DLG2: variants seen among roughly 807,000 people sequenced by gnomAD.
The protein encoded by DLG2 is disks large homolog 2.
In DLG2, 45 loss-of-function variants were observed where a neutral mutation model predicts 132.5. The observed-to-expected ratio is 0.34, with a 90% confidence interval of 0.27 to 0.44. The LOEUF (loss-of-function observed/expected upper bound fraction) is 0.44, where lower values mean the gene tolerates loss of function less well. Ranked by LOEUF, DLG2 falls within the 20% of genes least tolerant of loss-of-function variation. The pLI is 1.00. For missense variants in DLG2, 1,045 were observed against 1,196.9 expected, an observed-to-expected ratio of 0.87 and a Z score of 1.87; for synonymous variants, 424 against 419.6, an observed-to-expected ratio of 1.01 and a Z score of -0.13.
intron 22 of DLG2, among the ~76,000 whole-genome samples, chr11:83,479,586 C>CAGTA (rs1298154488): frequency 7.9e-5 from 12 of 151,882 alleles, no homozygotes; most frequent in Admixed American, 7.9e-4. Context: ...CACCAAAAAC[C>CAGTA]AGTAAGTAAG....
chr11:83,564,131 C>A (rs1342966537), intron 19 of DLG2, among the ~76,000 whole-genome samples: 1 of 149,706 alleles, frequency 6.7e-6, no homozygotes, highest in Admixed American at 6.7e-5. Context: ...ATGATAAAAT[C>A]ATTGGTGGGA....
At chr11:84,809,540 A>T (rs1164611220) in intron 6 of DLG2, among the ~76,000 whole-genome samples, 1 of 151,932 alleles carries the variant, frequency 6.6e-6, no homozygotes, top group Non-Finnish European at 1.5e-5. Context: ...GAACCTACAA[A>T]GAAAAAAATC....
chr11:84,254,023 T>G (rs950555085), intron 7 of DLG2, among the ~76,000 whole-genome samples: 7 of 152,158 alleles, frequency 4.6e-5, no homozygotes, highest in Non-Finnish European at 1.0e-4. Context: ...AGCCTTAGTA[T>G]GTATTTTTAA....
At chr11:84,423,952 T>C (rs911284373) in intron 7 of DLG2, among the ~76,000 whole-genome samples, 3 of 152,146 alleles carry the variant, frequency 2.0e-5, no homozygotes, top group Non-Finnish European at 4.4e-5. Flanking sequence ...CATTGAAGTA[T>C]CTATATAATT....
chr11:84,151,714 A>G (rs1309562008), intron 9 of DLG2, among the ~76,000 whole-genome samples: 1 of 152,148 alleles, frequency 6.6e-6, no homozygotes, highest in Admixed American at 6.5e-5. Flanking sequence ...CACTGCTTTC[A>G]CTGAATCCTA....
chr11:84,852,388 A>G (rs1303836808), intron 6 of DLG2, among the ~76,000 whole-genome samples: 1 of 152,046 alleles, frequency 6.6e-6, no homozygotes, highest in Non-Finnish European at 1.5e-5. Flanking sequence ...TGAAGGGCAA[A>G]TAGGTGTAAA....
intron 6 of DLG2, among the ~76,000 whole-genome samples, chr11:84,639,756 A>G (rs2099652163): frequency 6.6e-6 from 1 of 152,056 alleles, no homozygotes; most frequent in African/African-American, 2.4e-5. Context: ...TCCCAGGGTC[A>G]TATCTGCTTT....
chr11:85,152,150 A>G (rs1361691671), intron 5 of DLG2, among the ~76,000 whole-genome samples: 1 of 152,172 alleles, frequency 6.6e-6, no homozygotes, highest in Non-Finnish European at 1.5e-5. Context: ...AATAATTAAG[A>G]GCAATGCTGA....
intron 6 of DLG2, among the ~76,000 whole-genome samples, chr11:84,552,999 C>T (rs571234350): frequency 6.6e-6 from 1 of 152,262 alleles, no homozygotes; most frequent in South Asian, 2.1e-4. Context: ...TTCAAACTAG[C>T]TCAGCAGCTC....
rs1240201348 is a variant in DLG2 at position 84,941,319 on chromosome 11, G to C, written c.357+170342C>G. On this transcript the variant is annotated intron_variant, in intron 6 of 27. Coordinates refer to ENST00000376104, the MANE Select transcript of DLG2 (RefSeq NM_001142699.3). ...CTGAATGTGTAGATTGCTTTGAGAA[G>C]TATGGATTAATTAATAGATTAACAA... is the stretch of plus-strand genomic sequence containing the variant. 2.0e-5 allele frequency among the ~76,000 whole-genome samples: 3 copies of C among 152,002 alleles called. No individual in the cohort carries two copies. The East Asian group carries it at 5.8e-4, about 29-fold the overall frequency.
chr11:85,331,568 G>T (rs1481152655), intron 3 of DLG2, among the ~76,000 whole-genome samples: 1 of 152,038 alleles, frequency 6.6e-6, no homozygotes, highest in African/African-American at 2.4e-5. Flanking sequence ...TATTATCTAG[G>T]TAGTAAGCAT....
At chr11:85,419,683 T>G (rs1293884992) in intron 3 of DLG2, among the ~76,000 whole-genome samples, 1 of 152,240 alleles carries the variant, frequency 6.6e-6, no homozygotes, top group African/African-American at 2.4e-5. Context: ...ATTAAGTTGA[T>G]CTTCAATCTC....
At chr11:83,770,719 T>C (rs1340448424) in intron 18 of DLG2, among the ~76,000 whole-genome samples, 2 of 152,212 alleles carry the variant, frequency 1.3e-5, no homozygotes, top group Admixed American at 6.5e-5. Context: ...TTCTGTACTC[T>C]CAGGCTTTCT....
intron 7 of DLG2, among the ~76,000 whole-genome samples, chr11:84,395,417 T>C (rs1166404899): frequency 6.6e-6 from 1 of 152,138 alleles, no homozygotes; most frequent in Non-Finnish European, 1.5e-5. Context: ...CTTTCTTCTT[T>C]TGCTTTTTTC....
chr11:84,550,879 T>A (rs1292939234), intron 6 of DLG2, among the ~76,000 whole-genome samples: 1 of 152,196 alleles, frequency 6.6e-6, no homozygotes, highest in Non-Finnish European at 1.5e-5. Context: ...TTGCGTTAGG[T>A]AATCCAGCTC....
chr11:84,852,346 G>C (rs1299290462), intron 6 of DLG2, among the ~76,000 whole-genome samples: 1 of 152,042 alleles, frequency 6.6e-6, no homozygotes, highest in Non-Finnish European at 1.5e-5. Flanking sequence ...AAAACGTGAT[G>C]CAAGTCTGAA....
intron 4 of DLG2, among the ~76,000 whole-genome samples, chr11:85,267,840 G>A (rs1164142960): frequency 6.6e-6 from 1 of 151,830 alleles, no homozygotes; most frequent in Non-Finnish European, 1.5e-5. Context: ...GTTTCAGACA[G>A]TTTACCCCAC....
intron 7 of DLG2, among the ~76,000 whole-genome samples, chr11:84,473,967 T>C (rs892896504): frequency 6.6e-6 from 1 of 152,068 alleles, no homozygotes; most frequent in African/African-American, 2.4e-5. Flanking sequence ...TTTTCAGCTG[T>C]GTTTCTCAGA....
intron 6 of DLG2, among the ~76,000 whole-genome samples, chr11:84,581,101 T>C (rs1405298453): frequency 1.3e-5 from 2 of 152,338 alleles, no homozygotes; most frequent in Middle Eastern, 3.4e-3. Context: ...TTTTTTATGG[T>C]GGAACTCATT....
Sources: allele counts gnomAD v4.1 joint callset (sites outside exome capture counted in the v4.1 genomes callset), GRCh38; gene constraint gnomAD v4.1.1; transcripts MANE v1.5; gene names NCBI Gene and HGNC (gene_info 2026-07-23, HGNC 2026-07-21).